The following GRM8 variants were observed in gnomAD, a reference collection of about 807,000 sequenced individuals.
GRM8 encodes metabotropic glutamate receptor 8.
In GRM8, 47 loss-of-function variants were observed where a neutral mutation model predicts 87.2. The observed-to-expected ratio is 0.54, with a 90% CI of 0.43 to 0.69. GRM8 has a LOEUF of 0.69. GRM8 is among the 30% of genes least tolerant of loss of function. GRM8 has a pLI of 0.00. For missense variants in GRM8, 1,019 were observed against 1,139.2 expected, an observed-to-expected ratio of 0.89 and a Z score of 1.52; for synonymous variants, 396 against 404.5, an observed-to-expected ratio of 0.98 and a Z score of 0.25.
intron 3 of GRM8, among the ~76,000 whole-genome samples, chr7:127,101,720 C>A (rs1825279469): frequency 6.6e-6 from 1 of 152,040 alleles, no homozygotes; most frequent in South Asian, 2.1e-4. Context: ...TTGGGTATTT[C>A]TTTATAGAAA....
intron 2 of GRM8, among the ~76,000 whole-genome samples, chr7:127,201,367 G>A (rs948867077): frequency 5.3e-5 from 8 of 152,216 alleles, no homozygotes; most frequent in Non-Finnish European, 1.0e-4. Context: ...CAGCTAGTAA[G>A]TAACAGATCT....
chr7:126,536,707 T>C (rs1271028315), intron 8 of GRM8, among the ~76,000 whole-genome samples: 2 of 151,852 alleles, frequency 1.3e-5, no homozygotes, highest in African/African-American at 4.9e-5. Context: ...CTTTACAACC[T>C]AAGGGACTCA....
At chr7:126,701,962 G>A (rs570400797) in intron 7 of GRM8, 7 of 320,058 alleles carry the variant, frequency 2.2e-5, no homozygotes, top group South Asian at 8.4e-5. Flanking sequence ...TTCTTTCTCC[G>A]AAGTGTCCCT....
intron 7 of GRM8, among the ~76,000 whole-genome samples, chr7:126,630,748 T>C (rs1243421126): frequency 6.6e-6 from 1 of 152,034 alleles, no homozygotes; most frequent in Admixed American, 6.6e-5. Flanking sequence ...ACAAATGTGA[T>C]TCATCATGTA....
At chr7:126,505,508 A>G (rs1170683477) in intron 9 of GRM8, among the ~76,000 whole-genome samples, 2 of 152,058 alleles carry the variant, frequency 1.3e-5, no homozygotes, top group African/African-American at 4.8e-5. Flanking sequence ...CCCAAACTAA[A>G]TGGAGCAAGA....
In GRM8 at chr7:126,773,658, C is replaced by T. The variant is rs867542232; in HGVS notation, c.1157-3593G>A. On this transcript the variant is annotated intron_variant, in intron 6 of 10. Transcript: ENST00000339582. ...CAATAATTTCCTGATAAATTATAAT[C>T]GACATGCTCCAATTTAATACATATA... is the stretch of plus-strand genomic sequence containing the variant. Among the ~76,000 whole-genome samples the T allele has an allele frequency of 1.6e-4, 25 of 152,118 alleles. No individual in the cohort carries two copies. In the Middle Eastern group the frequency reaches 0.01, roughly 62 times the overall value.
chr7:127,031,794 A>G (rs1195754959), intron 3 of GRM8, among the ~76,000 whole-genome samples: 3 of 152,088 alleles, frequency 2.0e-5, no homozygotes, highest in African/African-American at 4.8e-5. Flanking sequence ...GAAAATCTCA[A>G]TACCTCTCCA....
chr7:126,941,778 T>A (rs1021934943), intron 3 of GRM8, among the ~76,000 whole-genome samples: 9 of 152,074 alleles, frequency 5.9e-5, no homozygotes, highest in Non-Finnish European at 1.5e-5. Context: ...TCTGAGAGAT[T>A]TACAAATAAT....
chr7:126,847,546 A>T (rs1265250100), intron 6 of GRM8, among the ~76,000 whole-genome samples: 1 of 152,070 alleles, frequency 6.6e-6, no homozygotes, highest in Admixed American at 6.6e-5. Flanking sequence ...GAAGTACCAA[A>T]CAAATAGTAT....
chr7:126,479,741 TAGAC>T (rs3993604), intron 9 of GRM8, among the ~76,000 whole-genome samples: 79,297 of 148,410 alleles, frequency 0.53, 21,017 homozygotes, highest in Middle Eastern at 0.68. Context: ...GACAGAGAGA[TAGAC>T]AGACAGACAG....
At chr7:126,914,027 G>C (rs1455155936) in intron 3 of GRM8, among the ~76,000 whole-genome samples, 1 of 152,114 alleles carries the variant, frequency 6.6e-6, no homozygotes, top group East Asian at 1.9e-4. Flanking sequence ...ACTCTGAAAA[G>C]CAATGCAATG....
intron 2 of GRM8, among the ~76,000 whole-genome samples, chr7:127,148,931 A>G (rs1006206357): frequency 2.0e-5 from 3 of 152,072 alleles, no homozygotes; most frequent in Non-Finnish European, 4.4e-5. Context: ...ACACACAAAA[A>G]TCAACTCTAA....
intron 9 of GRM8, among the ~76,000 whole-genome samples, chr7:126,478,436 G>T (rs1179976646): frequency 6.6e-6 from 1 of 151,684 alleles, no homozygotes; most frequent in Non-Finnish European, 1.5e-5. Flanking sequence ...TCACTTCTCT[G>T]GTCAGTTTCC....
intron 8 of GRM8, among the ~76,000 whole-genome samples, chr7:126,594,398 G>A (rs1320870866): frequency 6.6e-6 from 1 of 151,970 alleles, no homozygotes; most frequent in African/African-American, 2.4e-5. Context: ...ATGGAATACT[G>A]TTTATCCATA....
chr7:126,445,498 G>A (rs1267626656), intron 10 of GRM8: 1 of 152,336 alleles, frequency 6.6e-6, no homozygotes, highest in Non-Finnish European at 1.5e-5. Flanking sequence ...TGGAAAGGTG[G>A]TTGTAGAAAA....
chr7:126,899,903 T>A (rs1193965053), intron 6 of GRM8, among the ~76,000 whole-genome samples: 1 of 152,024 alleles, frequency 6.6e-6, no homozygotes, highest in African/African-American at 2.4e-5. Flanking sequence ...CTAATTTGGT[T>A]ACCCAGGCAC....
chr7:126,940,269 A>T (rs1297282575), intron 3 of GRM8, among the ~76,000 whole-genome samples: 3 of 152,234 alleles, frequency 2.0e-5, no homozygotes, highest in Admixed American at 1.3e-4. Flanking sequence ...TTTTTTAAAT[A>T]ATCAATTTTG....
chr7:126,809,234 G>C (rs1793064720), intron 6 of GRM8, among the ~76,000 whole-genome samples: 1 of 152,142 alleles, frequency 6.6e-6, no homozygotes, highest in African/African-American at 2.4e-5. Context: ...TAATGTAAAA[G>C]TCAACTAATT....
At chr7:126,755,141 T>A (rs891815649) in intron 7 of GRM8, among the ~76,000 whole-genome samples, 18 of 145,742 alleles carry the variant, frequency 1.2e-4, no homozygotes, top group Non-Finnish European at 8.8e-5. Flanking sequence ...AAAATCTCAT[T>A]TTTTTAAACA....
Sources: gnomAD v4.1 joint callset for allele counts (sites outside exome capture counted in the v4.1 genomes callset) on GRCh38, gnomAD v4.1.1 for gene constraint, MANE v1.5 for transcripts, NCBI Gene and HGNC (gene_info 2026-07-23, HGNC 2026-07-21) for gene names.